Variants in ELAVL4 observed in about 807,000 individuals in gnomAD.
ELAVL4 encodes ELAV like RNA binding protein 4, also known as ELAV-like protein 4.
A neutral mutation model predicts 35.6 loss-of-function variants in ELAVL4; 1 was observed. The ratio of observed to expected loss-of-function variants is 0.03; its 90% CI spans 0.01 to 0.13. The LOEUF is 0.13. ELAVL4 is among the 10% of genes least tolerant of loss of function. The pLI, the probability that ELAVL4 is intolerant of heterozygous loss-of-function variation, is 1.00. For synonymous variants in ELAVL4, 156 were observed against 171.0 expected, an observed-to-expected ratio of 0.91 and a Z score of 0.69; for missense variants, 267 against 464.9, an observed-to-expected ratio of 0.57 and a Z score of 3.91.
upstream of ELAVL4, chr1:50,108,866 C>T (rs1308233174): frequency 9.8e-7 from 1 of 1,020,698 alleles, no homozygotes; most frequent in South Asian, 4.2e-5. Flanking sequence ...CCAATCAGAT[C>T]CAGGCTTCGG....
exon 1 of ELAVL4, chr1:50,048,137 C>G (rs1374912695): frequency 1.3e-6 from 2 of 1,517,176 alleles, no homozygotes; most frequent in Non-Finnish European, 1.8e-6. Flanking sequence ...GCCTCCGCAG[C>G]CTCGGGCCGG....
intron 1 of ELAVL4, among the ~76,000 whole-genome samples, chr1:50,076,666 G>T (rs1472715078): frequency 6.6e-6 from 1 of 152,118 alleles, no homozygotes; most frequent in African/African-American, 2.4e-5. Context: ...ATAGACCTGG[G>T]CCTGGGAAGT....
intron 2 of ELAVL4, among the ~76,000 whole-genome samples, chr1:50,146,214 T>G (rs1179327538): frequency 6.6e-6 from 1 of 152,158 alleles, no homozygotes; most frequent in Non-Finnish European, 1.5e-5. Flanking sequence ...TCATCTTTAT[T>G]TTAAATCAGA....
At position 50,108,999 on chromosome 1, in the gene ELAVL4, C is replaced by CT. The variant is rs1338689538; in HGVS notation, c.-183dup. The stretch of plus-strand genomic sequence containing the variant: ...GGGGTTTCAGCTCACTGCTCCTTTT[C>CT]TTTTTTTTCTTTCTCTCCCCCGCCC... On this transcript the variant is annotated 5_prime_UTR_variant, in exon 1 of 7. Coordinates refer to ENST00000371824, the MANE Select transcript of ELAVL4 (RefSeq NM_001144774.3). 14 of 1,143,722 alleles carry CT rather than the reference C, an allele frequency of 1.2e-5. No homozygotes were observed. The highest frequency in any genetic ancestry group is 6.9e-5 in the South Asian group (3 of 43,636). 70.8% of individuals were successfully genotyped at this position (1,143,722 alleles called of 1,614,324 possible).
chr1:50,164,718 C>T lies in ELAVL4; in HGVS notation c.251-12371C>T, dbSNP rs564559412. Among the ~76,000 whole-genome samples the T allele has an allele frequency of 4.6e-5, 7 of 152,260 alleles. No homozygotes were observed. In the East Asian group the frequency reaches 5.8e-4, roughly 13 times the overall value. On this transcript the variant is annotated intron_variant, in intron 2 of 6. Transcript: ENST00000371824. ...GTCTTTCACATGTGTCTTATGGGAT[C>T]GGGTTCCGCTTACCAACTTCCTATG...
intron 2 of ELAVL4, among the ~76,000 whole-genome samples, chr1:50,176,444 A>G (rs1680046292): frequency 6.6e-6 from 1 of 152,172 alleles, no homozygotes; most frequent in Admixed American, 6.5e-5. Context: ...ATCCCTCTGA[A>G]TGTGGGTGTG....
At chr1:50,145,319 T>A in intron 2 of ELAVL4, 122 bp downstream of exon 2, 2 of 1,430,198 alleles carry the variant, frequency 1.4e-6, no homozygotes, top group South Asian at 2.6e-5. Flanking sequence ...ATGGCATGGA[T>A]ACACAGTCAT....
chr1:50,166,050 C>T (rs562915835), intron 2 of ELAVL4, among the ~76,000 whole-genome samples: 1 of 152,068 alleles, frequency 6.6e-6, no homozygotes, highest in Admixed American at 6.6e-5. Context: ...TTTCTGCCTG[C>T]TTTATATTCT....
rs76023202 is a variant in ELAVL4 at position 50,079,453 on chromosome 1, C to T, written c.18+31271C>T. 2.9e-3 allele frequency among the ~76,000 whole-genome samples: 435 copies of T among 152,234 alleles called. 5 individuals carry two copies. Among genetic ancestry groups the T allele is most frequent in the Non-Finnish European group, 3.7e-3 (251 of 68,000 alleles). On this transcript the variant is annotated intron_variant, in intron 1 of 6. Coordinates refer to the ELAVL4 transcript ENST00000448907. The stretch of plus-strand genomic sequence containing the variant: ...TGAGAAGCTCTGAAGCTAAGATAGC[C>T]TTTCAAAATAGTCCTGAGTCAGGGT...
chr1:50,156,698 G>T (rs1469633425), intron 2 of ELAVL4, among the ~76,000 whole-genome samples: 1 of 152,282 alleles, frequency 6.6e-6, no homozygotes, highest in East Asian at 1.9e-4. Context: ...GGAAACCAAG[G>T]TTCCTGGAGT....
chr1:50,109,890 C>A, intron 1 of ELAVL4: 1 of 1,610,132 alleles, frequency 6.2e-7, no homozygotes, highest in Non-Finnish European at 8.5e-7. Flanking sequence ...ACATAACGTT[C>A]CTTTCCGCTT....
chr1:50,049,940 T>G (rs1214463843), intron 1 of ELAVL4, among the ~76,000 whole-genome samples: 1 of 152,208 alleles, frequency 6.6e-6, no homozygotes, highest in Non-Finnish European at 1.5e-5. Flanking sequence ...AGTTGTGAGT[T>G]AGAGCTGGTG....
intron 2 of ELAVL4, among the ~76,000 whole-genome samples, chr1:50,165,764 G>GTGTATATATT (rs1477734227): frequency 6.0e-5 from 9 of 149,458 alleles, no homozygotes; most frequent in African/African-American, 2.2e-4. Context: ...GTGTATATGT[G>GTGTATATATT]TGTATATGTG....
At chr1:50,198,641 G>T (rs1044958924) in intron 6 of ELAVL4, among the ~76,000 whole-genome samples, 2 of 152,162 alleles carry the variant, frequency 1.3e-5, no homozygotes, top group Non-Finnish European at 2.9e-5. Flanking sequence ...ATCTTTCCTA[G>T]CTCTATCTCA....
intron 1 of ELAVL4, among the ~76,000 whole-genome samples, chr1:50,117,793 T>C (rs1192581140): frequency 9.2e-5 from 14 of 152,076 alleles, no homozygotes; most frequent in Non-Finnish European, 4.4e-5. Flanking sequence ...GGCAGTGACA[T>C]TGTATGCTAC....
At chr1:50,105,452 G>T (rs954795096), upstream of ELAVL4, among the ~76,000 whole-genome samples, 5 of 152,090 alleles carry the variant, frequency 3.3e-5, no homozygotes, top group African/African-American at 7.2e-5. Context: ...TTTAAGTCAA[G>T]AGAAGGAATT....
intron 1 of ELAVL4, among the ~76,000 whole-genome samples, chr1:50,142,991 C>T (rs1251674719): frequency 6.6e-6 from 1 of 152,024 alleles, no homozygotes; most frequent in Admixed American, 6.6e-5. Flanking sequence ...TGTGAAAAGG[C>T]ACAAAAGAGT....
In ELAVL4 at chr1:50,201,121, C is replaced by T. The variant is rs1454126571; in HGVS notation, c.1044C>T (p.Arg348=). ...AMAIASLNGY[R]LGDRVLQVSF... ...CCATCGCCAGCCTCAACGGGTACCG[C>T]CTGGGAGACAGAGTGTTGCAAGTTT... Residue 348 remains arginine, a synonymous_variant, in exon 7 of 7, where the codon CGC becomes CGT. Transcript: ENST00000371824. The surrounding 1 kb of genome is among the most constrained non-coding windows in gnomAD (Gnocchi z 4.3). 1.2e-6 allele frequency: 2 copies of T among 1,613,124 alleles called. No homozygotes were observed. The highest frequency in any genetic ancestry group is 8.5e-7 in the Non-Finnish European group (1 of 1,179,428).
chr1:50,152,723 G>T (rs1226169618), intron 2 of ELAVL4, among the ~76,000 whole-genome samples: 1 of 152,050 alleles, frequency 6.6e-6, no homozygotes, highest in East Asian at 1.9e-4. Flanking sequence ...CTGTATCTGT[G>T]TTTATTCCTC....
Sources: allele counts gnomAD v4.1 joint callset (sites outside exome capture counted in the v4.1 genomes callset), GRCh38; gene constraint gnomAD v4.1.1; non-coding constraint Gnocchi (gnomAD v3.1); transcripts MANE v1.5; gene names NCBI Gene and HGNC (gene_info 2026-07-23, HGNC 2026-07-21).